The following UBE4A variants were observed in gnomAD, a reference collection of about 807,000 sequenced individuals.
The protein encoded by UBE4A is ubiquitination factor E4A.
A neutral mutation model predicts 117.9 loss-of-function variants in UBE4A; 48 were observed. The ratio of observed to expected loss-of-function variants is 0.41; its 90% CI spans 0.32 to 0.52. The LOEUF is 0.52. Ranked by LOEUF, UBE4A falls within the 20% of genes least tolerant of loss-of-function variation. The probability of loss-of-function intolerance (pLI) is 0.33; values close to 1 mark genes in which losing one functional copy is unlikely to be tolerated. For missense variants in UBE4A, 1,067 were observed against 1,296.3 expected (o/e 0.82, Z 2.72); for synonymous variants, 407 against 450.0 (o/e 0.90, Z 1.21).
intron 11 of UBE4A, among the ~76,000 whole-genome samples, chr11:118,380,132 TGC>T (rs1194964245): frequency 1.5e-3 from 102 of 68,636 alleles, no homozygotes; most frequent in South Asian, 3.5e-3. Flanking sequence ...TGTGTGTGTG[TGC>T]GTGTGTGTGT....
chr11:118,383,588 C>CAA (rs11375309), intron 13 of UBE4A, among the ~76,000 whole-genome samples: 612 of 53,384 alleles, frequency 0.011, 2 homozygotes, highest in Middle Eastern at 0.042. Context: ...AAATCCCTCT[C>CAA]AAAAAAAAAA....
At chr11:118,379,322 T>G in intron 10 of UBE4A, 124 bp from the exon 11 acceptor site, 2 of 1,094,986 alleles carry the variant, frequency 1.8e-6, no homozygotes, top group East Asian at 4.7e-5. Context: ...GAGTGCCTTC[T>G]GTGTCATTGC....
rs782153794 is a variant in UBE4A at position 118,379,486 on chromosome 11, CGGCTGCAGGTTGCCT to C, written c.1616_1630del (p.Leu539_Trp543del). On this transcript the variant is annotated inframe_deletion, in exon 11 of 20. Coordinates refer to ENST00000252108, the MANE Select transcript of UBE4A (RefSeq NM_001204077.2). ...GGTAAAAATCAACCAAAATCTGCATCGGCTGCAGGTTGCCTGGCGGGATGCTCAGCAAAGTTCTAG... is the reference window on the plus strand; with the variant it reads ...GGTAAAAATCAACCAAAATCTGCATCGGCGGGATGCTCAGCAAAGTTCTAG... 6.2e-7 allele frequency: 1 copy of C among 1,614,034 alleles called. No individual in the cohort carries two copies. The highest frequency in any genetic ancestry group is 8.5e-7 in the Non-Finnish European group (1 of 1,179,926).
At chr11:118,381,360 G>A in intron 11 of UBE4A, 31 bp from the exon 12 acceptor site, 8 of 1,612,838 alleles carry the variant, frequency 5.0e-6, no homozygotes, top group Non-Finnish European at 6.8e-6. Flanking sequence ...ACAGATGTTT[G>A]GCTAATTCCA....
In UBE4A at chr11:118,368,782, C is replaced by T; in HGVS notation, c.273C>T (p.Ile91=). The T allele has an allele frequency of 6.2e-7, 1 of 1,614,184 alleles. No individual in the cohort carries two copies. The highest frequency in any genetic ancestry group is 1.1e-5 in the South Asian group (1 of 91,084). Residue 91 remains isoleucine, a synonymous_variant, in exon 3 of 20, where the codon ATC becomes ATT. Coordinates refer to ENST00000252108, the MANE Select transcript of UBE4A (RefSeq NM_001204077.2). ...ACATCAATCACATGATCCAAAGGAT[C>T]TTCCTTATTACTCTGGACAACAGTG... ...QLNINHMIQR[I]FLITLDNSDP... is the part of the protein sequence containing the mutation.
intron 15 of UBE4A, among the ~76,000 whole-genome samples, chr11:118,385,734 T>C (rs530494798): frequency 1.4e-4 from 21 of 152,370 alleles, no homozygotes; most frequent in African/African-American, 4.6e-4. Flanking sequence ...CTCCTCCTTA[T>C]GATCAGCAAT....
At chr11:118,373,836 G>T in intron 8 of UBE4A, 151 bp downstream of exon 8, 1 of 1,016,984 alleles carries the variant, frequency 9.8e-7, no homozygotes, top group East Asian at 2.8e-5. Flanking sequence ...ACTGGGCATG[G>T]TAGCTCAAGC....
At chr11:118,380,116 AGT>A (rs56027138) in intron 11 of UBE4A, among the ~76,000 whole-genome samples, 22,310 of 142,316 alleles carry the variant, frequency 0.16, 1,846 homozygotes, top group African/African-American at 0.18. Context: ...GAAGGGAAAG[AGT>A]GTGTGTGTGT....
chr11:118,374,074 A>G (rs1329817996), intron 8 of UBE4A, among the ~76,000 whole-genome samples: 1 of 152,088 alleles, frequency 6.6e-6, no homozygotes, highest in African/African-American at 2.4e-5. Context: ...TGATTGCATC[A>G]TCACGCTCCG....
At position 118,390,036 on chromosome 11, in the gene UBE4A, G is replaced by C. The variant is rs1481407894; in HGVS notation, c.2768+131G>C. 3 of 1,048,570 alleles carry C rather than the reference G, an allele frequency of 2.9e-6. No homozygotes were observed. In the African/African-American group the frequency reaches 4.9e-5, roughly 17 times the overall value. The allele number at this position is 1,048,570 out of a possible 1,614,324, so 65.0% of individuals were successfully genotyped here. A position where few individuals can be genotyped will look rare whatever the true frequency, so the allele number is the denominator to read the frequency against. Reference sequence around the variant, plus strand: ...GTTAATTCCTAGTTGCTTGATGAAGGAATCTTCTGTAGTTTTAAATAAGGA... The same window carrying C: ...GTTAATTCCTAGTTGCTTGATGAAGCAATCTTCTGTAGTTTTAAATAAGGA... On this transcript the variant is annotated intron_variant, in intron 17 of 19. Transcript: ENST00000252108.
At chr11:118,392,682 C>T (rs184868230) in intron 18 of UBE4A, 56 bp from the exon 19 acceptor site, 191 of 1,547,260 alleles carry the variant, frequency 1.2e-4, no homozygotes, top group Non-Finnish European at 1.6e-4. Flanking sequence ...TCATTGAGCA[C>T]GCTGAATTCA....
chr11:118,386,297 G>A (rs2134106388), intron 15 of UBE4A, 141 bp from the exon 16 acceptor site: 1 of 900,842 alleles, frequency 1.1e-6, no homozygotes, highest in Non-Finnish European at 1.6e-6. Context: ...GCCTTATGCT[G>A]AGAAATAAAG....
intron 4 of UBE4A, 109 bp downstream of exon 4, chr11:118,369,644 CTCTTT>C: frequency 6.5e-6 from 4 of 618,348 alleles, no homozygotes; most frequent in Non-Finnish European, 8.1e-6. Context: ...CCATCCCTCT[CTCTTT>C]TTTTTTTTTT....
chr11:118,359,940 C>A (rs1456585541), intron 1 of UBE4A, among the ~76,000 whole-genome samples: 1 of 152,168 alleles, frequency 6.6e-6, no homozygotes, highest in African/African-American at 2.4e-5. Flanking sequence ...GGAGCGCTAT[C>A]ATTGCATTAT....
At chr11:118,380,644 T>C (rs955031824) in intron 11 of UBE4A, among the ~76,000 whole-genome samples, 2 of 152,048 alleles carry the variant, frequency 1.3e-5, no homozygotes, top group South Asian at 2.1e-4. Flanking sequence ...TCACCTGCAT[T>C]GTTCTGACTC....
Position 118,374,893 on chromosome 11 carries a change from C to T in UBE4A, c.1117-3C>T. On this transcript the variant is annotated splice_region_variant and splice_polypyrimidine_tract_variant and intron_variant, in intron 8 of 19. Transcript: ENST00000252108. ...TCTGTGGTTGTGTTTTCTGGTTGAACAGTTCATGGCTCAGTTCCACGAAAA... is the reference window on the plus strand; with the variant it reads ...TCTGTGGTTGTGTTTTCTGGTTGAATAGTTCATGGCTCAGTTCCACGAAAA... 1 of 1,497,230 alleles carries T rather than the reference C, an allele frequency of 6.7e-7. No individual in the cohort carries two copies. Among genetic ancestry groups the T allele is most frequent in the East Asian group, 2.3e-5 (1 of 43,094 alleles). The allele number at this position is 1,497,230 out of a possible 1,614,324, so 92.7% of individuals were successfully genotyped here. A position where few individuals can be genotyped will look rare whatever the true frequency, so the allele number is the denominator to read the frequency against.
At position 118,386,510 on chromosome 11, in the gene UBE4A, C is replaced by T. The variant is rs782040367; in HGVS notation, c.2485C>T (p.Arg829Cys). The T allele has an allele frequency of 5.0e-6, 8 of 1,608,034 alleles. No individual in the cohort carries two copies. Among genetic ancestry groups the T allele is most frequent in the African/African-American group, 2.7e-5 (2 of 74,218 alleles). ...ATGGGATAGTCTGACTCCAGAAGCC[C>T]GCCGAGAAAAGGAGGCTGGCCTACA... ...GEWDSLTPEA[R>C]REKEAGLQMF... Residue 829 changes from arginine to cysteine, a missense_variant, in exon 16 of 20, where the codon CGC becomes TGC. Physicochemically the swap from Arg to Cys is radical, Grantham distance 180 (BLOSUM62 -3). Coordinates refer to ENST00000252108, the MANE Select transcript of UBE4A (RefSeq NM_001204077.2).
chr11:118,376,512 A>C lies in UBE4A; in HGVS notation c.1451-62A>C, dbSNP rs1211251357. ...CTGCTAACAGTATGGAAATTGAATG[A>C]GTGTAAGAGGAGACTGGAGACCAAG... On this transcript the variant is annotated intron_variant, in intron 9 of 19. Transcript: ENST00000252108. The C allele has an allele frequency of 3.8e-6, 6 of 1,566,036 alleles. No homozygotes were observed. In the African/African-American group the frequency reaches 8.3e-5, roughly 22 times the overall value.
chr11:118,375,398 C>T (rs1948643640), intron 9 of UBE4A, among the ~76,000 whole-genome samples, 169 bp downstream of exon 9: 1 of 151,912 alleles, frequency 6.6e-6, no homozygotes, highest in South Asian at 2.1e-4. Context: ...CTTACTCTGT[C>T]ACTCAGGCTG....
Sources: allele counts gnomAD v4.1 joint callset (sites outside exome capture counted in the v4.1 genomes callset), GRCh38; gene constraint gnomAD v4.1.1; transcripts MANE v1.5; gene names NCBI Gene and HGNC (gene_info 2026-07-23, HGNC 2026-07-21).